AGBL4: variants seen among roughly 807,000 people sequenced by gnomAD.
The protein encoded by AGBL4 is AGBL carboxypeptidase 4.
A neutral mutation model predicts 66.4 loss-of-function variants in AGBL4; 58 were observed. The ratio of observed to expected loss-of-function variants is 0.87; its 90% CI spans 0.71 to 1.09. The LOEUF (loss-of-function observed/expected upper bound fraction) is 1.09. Ranked by LOEUF, AGBL4 falls within the 50% of genes least tolerant of loss-of-function variation. AGBL4 has a pLI of 0.00. For synonymous variants in AGBL4, 234 were observed against 222.9 expected (o/e 1.05, Z -0.44); for missense variants, 579 against 631.0 (o/e 0.92, Z 0.88).
intron 3 of AGBL4, among the ~76,000 whole-genome samples, chr1:49,690,042 TG>T (rs1646857156): frequency 6.6e-6 from 1 of 152,138 alleles, no homozygotes; most frequent in African/African-American, 2.4e-5. Flanking sequence ...AATAGCACCC[TG>T]ATCAGTCAGC....
intron 4 of AGBL4, among the ~76,000 whole-genome samples, chr1:49,183,492 C>T (rs1646963796): frequency 6.6e-6 from 1 of 152,012 alleles, no homozygotes; most frequent in African/African-American, 2.4e-5. Context: ...CTCTCTTTGG[C>T]CTATCACAAC....
chr1:49,393,788 T>G (rs1644899928), intron 3 of AGBL4, among the ~76,000 whole-genome samples: 2 of 152,100 alleles, frequency 1.3e-5, no homozygotes, highest in Admixed American at 1.3e-4. Flanking sequence ...AGCTTGAGAG[T>G]GCATTGTGAT....
At chr1:49,013,621 C>A (rs1244847669) in intron 5 of AGBL4, among the ~76,000 whole-genome samples, 1 of 152,146 alleles carries the variant, frequency 6.6e-6, no homozygotes, top group Non-Finnish European at 1.5e-5. Context: ...CTCTGCCTAT[C>A]CCCACCTCTT....
chr1:49,689,724 T>C (rs770971109), intron 3 of AGBL4, among the ~76,000 whole-genome samples: 66 of 152,328 alleles, frequency 4.3e-4, no homozygotes, highest in Admixed American at 4.0e-3. Flanking sequence ...TTCCTTTTTT[T>C]CTGTCCTCTT....
At chr1:48,704,137 T>C (rs1570302663) in intron 6 of AGBL4, among the ~76,000 whole-genome samples, 1 of 152,360 alleles carries the variant, frequency 6.6e-6, no homozygotes, top group East Asian at 1.9e-4. Flanking sequence ...ATATCTACAC[T>C]TGATCTTGCC....
chr1:49,874,231 T>C (rs1457904657), intron 1 of AGBL4, among the ~76,000 whole-genome samples: 1 of 152,138 alleles, frequency 6.6e-6, no homozygotes, highest in Non-Finnish European at 1.5e-5. Flanking sequence ...AGACCTATTA[T>C]TAAAACTATA....
At chr1:48,665,587 A>G (rs1299058947) in intron 6 of AGBL4, among the ~76,000 whole-genome samples, 1 of 152,210 alleles carries the variant, frequency 6.6e-6, no homozygotes, top group African/African-American at 2.4e-5. Context: ...TAGCAGTGGT[A>G]GAGTTAAGTC....
At chr1:49,992,110 G>A (rs1377862430) in intron 1 of AGBL4, among the ~76,000 whole-genome samples, 2 of 152,126 alleles carry the variant, frequency 1.3e-5, no homozygotes, top group African/African-American at 2.4e-5. Context: ...AGTGGCTCAC[G>A]CCTGTAATCC....
chr1:49,577,916 T>C (rs1480882749), intron 3 of AGBL4, among the ~76,000 whole-genome samples: 3 of 152,134 alleles, frequency 2.0e-5, no homozygotes, highest in Admixed American at 2.0e-4. Flanking sequence ...TTCTCTCCCA[T>C]AGTTGGGATT....
At chr1:48,601,822 A>C (rs1311238467) in intron 9 of AGBL4, among the ~76,000 whole-genome samples, 1 of 152,048 alleles carries the variant, frequency 6.6e-6, no homozygotes, top group Non-Finnish European at 1.5e-5. Flanking sequence ...TCAACTTGGG[A>C]AGTCATCCTA....
At chr1:48,989,718 A>G (rs962398795) in intron 5 of AGBL4, among the ~76,000 whole-genome samples, 2 of 151,990 alleles carry the variant, frequency 1.3e-5, no homozygotes, top group Admixed American at 6.6e-5. Flanking sequence ...CATTCTTTTT[A>G]TGGTTGAATG....
chr1:49,873,316 G>A (rs1046786918), intron 1 of AGBL4, among the ~76,000 whole-genome samples: 2 of 151,910 alleles, frequency 1.3e-5, no homozygotes, highest in African/African-American at 4.8e-5. Context: ...TCCTAGCCAG[G>A]AGAGATCAGA....
At chr1:49,073,311 TGGA>T (rs1264305122) in intron 4 of AGBL4, among the ~76,000 whole-genome samples, 5 of 152,188 alleles carry the variant, frequency 3.3e-5, no homozygotes, top group African/African-American at 1.2e-4. Flanking sequence ...TGTGATCCTT[TGGA>T]GGAGAAGAGA....
At chr1:49,998,440 A>T (rs1660515518) in intron 1 of AGBL4, among the ~76,000 whole-genome samples, 2 of 152,156 alleles carry the variant, frequency 1.3e-5, no homozygotes, top group Non-Finnish European at 2.9e-5. Context: ...TGAAATGGTA[A>T]TTTTAAAATT....
chr1:48,731,046 A>C (rs560105526), intron 6 of AGBL4, among the ~76,000 whole-genome samples: 13 of 152,270 alleles, frequency 8.5e-5, no homozygotes, highest in Non-Finnish European at 1.8e-4. Context: ...AGAAGAAGAA[A>C]TCCTCACCAA....
At chr1:49,340,347 A>G (rs1474010487) in intron 3 of AGBL4, among the ~76,000 whole-genome samples, 1 of 152,086 alleles carries the variant, frequency 6.6e-6, no homozygotes, top group Non-Finnish European at 1.5e-5. Flanking sequence ...GTAGAATTCC[A>G]CAAGCTGTTC....
intron 3 of AGBL4, among the ~76,000 whole-genome samples, chr1:49,246,377 T>A (rs1165350015): frequency 6.6e-6 from 1 of 151,874 alleles, no homozygotes. Context: ...ACACTAAAAA[T>A]ATTAACTAAG....
chr1:48,847,960 A>G (rs1164308906), intron 6 of AGBL4, among the ~76,000 whole-genome samples: 2 of 151,958 alleles, frequency 1.3e-5, no homozygotes, highest in Non-Finnish European at 2.9e-5. Flanking sequence ...CCACACACCC[A>G]CTCACTGTTG....
intron 3 of AGBL4, among the ~76,000 whole-genome samples, chr1:49,643,489 C>T (rs115888287): frequency 2.7e-3 from 407 of 150,926 alleles, no homozygotes; most frequent in African/African-American, 9.6e-3. Context: ...AGAAGTTCAA[C>T]AAATTCCAAC....
Sources: allele counts gnomAD v4.1 joint callset (sites outside exome capture counted in the v4.1 genomes callset), GRCh38; gene constraint gnomAD v4.1.1; transcripts MANE v1.5; gene names NCBI Gene and HGNC (gene_info 2026-07-23, HGNC 2026-07-21).